EDAR: variants seen among roughly 807,000 people sequenced by gnomAD.
EDAR encodes ectodysplasin A receptor.
EDAR carries 38 observed loss-of-function variants against 51.3 expected under a neutral mutation model. That is an observed-to-expected ratio of 0.74 (90% CI 0.57 to 0.97). EDAR has a LOEUF of 0.97. EDAR is among the 50% of genes least tolerant of loss of function. EDAR has a pLI of 0.00. For missense variants in EDAR, 528 were observed against 595.0 expected (o/e 0.89, Z 1.17); for synonymous variants, 227 against 242.1 (o/e 0.94, Z 0.58).
At chr2:108,933,430 C>A (rs1291617965) in intron 1 of EDAR, among the ~76,000 whole-genome samples, 2 of 152,120 alleles carry the variant, frequency 1.3e-5, no homozygotes, top group Non-Finnish European at 1.5e-5. Context: ...CAGGGGAGAT[C>A]CCAGAGGACA....
intron 1 of EDAR, among the ~76,000 whole-genome samples, chr2:108,937,759 A>G (rs1321479439): frequency 6.6e-6 from 1 of 151,934 alleles, no homozygotes; most frequent in Non-Finnish European, 1.5e-5. Context: ...ATATGAATGT[A>G]TGTGTGTGAA....
chr2:108,910,659 A>C, intron 8 of EDAR, 117 bp downstream of exon 8: 1 of 1,426,484 alleles, frequency 7.0e-7, no homozygotes, highest in Non-Finnish European at 9.8e-7. Context: ...CCCCACGGTA[A>C]GCACAGTATG....
intron 11 of EDAR, among the ~76,000 whole-genome samples, chr2:108,901,842 G>T (rs569639847): frequency 6.6e-6 from 1 of 152,202 alleles, no homozygotes; most frequent in Non-Finnish European, 1.5e-5. Context: ...GGTGGCTCAC[G>T]CCTGTAATCC....
chr2:108,908,982 AAGGTGAGGTGGAGC>A (rs1696863476), intron 9 of EDAR, among the ~76,000 whole-genome samples: 1 of 151,950 alleles, frequency 6.6e-6, no homozygotes, highest in South Asian at 2.1e-4. Flanking sequence ...CACTCGAGAG[AAGGTGAGGTGGAGC>A]AGGTGAGGTG....
intron 1 of EDAR, among the ~76,000 whole-genome samples, chr2:108,965,857 C>T (rs1284188575): frequency 2.0e-5 from 3 of 152,068 alleles, no homozygotes; most frequent in Admixed American, 6.5e-5. Flanking sequence ...ACTCTCCCTC[C>T]ACCTTTCCCT....
At chr2:108,971,409 G>C (rs985283749) in intron 1 of EDAR, among the ~76,000 whole-genome samples, 1 of 151,854 alleles carries the variant, frequency 6.6e-6, no homozygotes, top group Non-Finnish European at 1.5e-5. Context: ...CAGGTGATTT[G>C]CGTGCAAATC....
intron 1 of EDAR, among the ~76,000 whole-genome samples, chr2:108,978,721 G>A (rs1698372799): frequency 6.6e-6 from 1 of 152,208 alleles, no homozygotes; most frequent in South Asian, 2.1e-4. Flanking sequence ...AACACCAGCA[G>A]ACAATGCCCA....
intron 1 of EDAR, among the ~76,000 whole-genome samples, 155 bp downstream of exon 1, chr2:108,988,805 C>T (rs984154162): frequency 6.6e-6 from 1 of 152,182 alleles, no homozygotes; most frequent in Non-Finnish European, 1.5e-5. Flanking sequence ...GAACTGGTAG[C>T]GCAGACATAC....
chr2:108,963,315 A>C (rs1417818365), intron 1 of EDAR, among the ~76,000 whole-genome samples: 2 of 152,234 alleles, frequency 1.3e-5, no homozygotes, highest in Non-Finnish European at 2.9e-5. Flanking sequence ...CTATGAGAAA[A>C]GAATTCAATT....
At chr2:108,936,985 G>A (rs1034369080) in intron 1 of EDAR, among the ~76,000 whole-genome samples, 1 of 152,180 alleles carries the variant, frequency 6.6e-6, no homozygotes, top group Non-Finnish European at 1.5e-5. Flanking sequence ...CCTGTTCCCA[G>A]CCTCTCTGGC....
chr2:108,926,769 G>A (rs1483542603), intron 4 of EDAR, among the ~76,000 whole-genome samples: 2 of 152,354 alleles, frequency 1.3e-5, no homozygotes, highest in Non-Finnish European at 2.9e-5. Flanking sequence ...AGAAGCACCT[G>A]CCAAACCGCA....
intron 1 of EDAR, among the ~76,000 whole-genome samples, chr2:108,938,488 A>G (rs1335455861): frequency 6.6e-6 from 1 of 152,222 alleles, no homozygotes; most frequent in African/African-American, 2.4e-5. Context: ...AGGATTGCTC[A>G]CGAAAATAAC....
At chr2:108,941,200 G>A (rs1478090393) in intron 1 of EDAR, among the ~76,000 whole-genome samples, 5 of 151,752 alleles carry the variant, frequency 3.3e-5, no homozygotes, top group African/African-American at 1.2e-4. Flanking sequence ...GTATTCCACT[G>A]CATTCGTAAA....
chr2:108,907,889 T>A lies in EDAR; in HGVS notation c.934A>T (p.Lys312Ter). 6.2e-7 allele frequency: 1 copy of A among 1,613,504 alleles called. No individual in the cohort carries two copies. Among genetic ancestry groups the A allele is most frequent in the South Asian group, 1.1e-5 (1 of 91,064 alleles). Residue 312 changes from lysine to a stop codon, truncating the protein, a stop_gained, in exon 10 of 12, where the codon AAG (lysine) becomes TAG (stop). Coordinates refer to ENST00000258443, the MANE Select transcript of EDAR (RefSeq NM_022336.4). LOFTEE classifies it high-confidence loss of function. ...GCTGACTTGTTGCTGGTGGCAGACT[T>A]CTCCCTGGCCAGGTGAACCAGCGAC... ...LLSLVHLARE[K>*]SATSNKSAGI...
intron 1 of EDAR, among the ~76,000 whole-genome samples, chr2:108,964,754 CA>C: frequency 6.6e-6 from 1 of 152,330 alleles, no homozygotes; most frequent in East Asian, 1.9e-4. Context: ...CACTAAGTGA[CA>C]GCAGGCAGCA....
intron 10 of EDAR, among the ~76,000 whole-genome samples, chr2:108,906,919 G>C (rs928580697): frequency 1.3e-5 from 2 of 152,246 alleles, no homozygotes; most frequent in African/African-American, 4.8e-5. Flanking sequence ...ATCCTATCAG[G>C]ACCAGGCTGG....
chr2:108,943,324 C>T (rs1282479311), intron 1 of EDAR, among the ~76,000 whole-genome samples: 1 of 152,176 alleles, frequency 6.6e-6, no homozygotes, highest in Non-Finnish European at 1.5e-5. Context: ...AGAGGGGAGG[C>T]TTTCTATCCC....
intron 1 of EDAR, among the ~76,000 whole-genome samples, chr2:108,943,293 C>A (rs528074092): frequency 1.1e-4 from 16 of 152,348 alleles, no homozygotes; most frequent in Admixed American, 9.8e-4. Context: ...CCAAAGGGCT[C>A]TGCTGCACCC....
At chr2:108,927,128 G>A (rs1216422026) in intron 4 of EDAR, among the ~76,000 whole-genome samples, 1 of 152,190 alleles carries the variant, frequency 6.6e-6, no homozygotes, top group Admixed American at 6.5e-5. Flanking sequence ...CCTGGAAACT[G>A]TCCCCATCGT....
Sources: allele counts gnomAD v4.1 joint callset (sites outside exome capture counted in the v4.1 genomes callset), GRCh38; gene constraint gnomAD v4.1.1; transcripts MANE v1.5; gene names NCBI Gene and HGNC (gene_info 2026-07-23, HGNC 2026-07-21).